DLGAP2: variants seen among roughly 807,000 people sequenced by gnomAD.
The protein encoded by DLGAP2 is DLG associated protein 2, also known as disks large-associated protein 2.
DLGAP2 carries 26 observed loss-of-function variants against 100.3 expected under a neutral mutation model. The observed-to-expected ratio is 0.26, with a 90% CI of 0.19 to 0.36. The LOEUF is 0.36. DLGAP2 is among the 10% of genes least tolerant of loss of function. The pLI, the probability that DLGAP2 is intolerant of heterozygous loss-of-function variation, is 1.00. For missense variants in DLGAP2, 1,858 were observed against 1,453.2 expected (o/e 1.28, Z -4.53); for synonymous variants, 886 against 630.1 (o/e 1.41, Z -6.08).
chr8:834,124 A>G (rs2132705806), intron 1 of DLGAP2, among the ~76,000 whole-genome samples: 1 of 152,320 alleles, frequency 6.6e-6, no homozygotes, highest in Middle Eastern at 3.4e-3. Flanking sequence ...TGCCTAGTAC[A>G]GCAAGCTCGT....
intron 1 of DLGAP2, among the ~76,000 whole-genome samples, chr8:790,631 A>G (rs1585866195): frequency 1.3e-5 from 2 of 152,264 alleles, no homozygotes; most frequent in Admixed American, 1.3e-4. Flanking sequence ...ATTTAATAAT[A>G]TTTGGTCTAT....
intron 6 of DLGAP2, among the ~76,000 whole-genome samples, chr8:1,569,357 G>C (rs547946483): frequency 1.3e-5 from 2 of 152,228 alleles, no homozygotes; most frequent in Non-Finnish European, 2.9e-5. Context: ...ATCTGACGCC[G>C]TGTTGTAGAT....
intron 2 of DLGAP2, among the ~76,000 whole-genome samples, chr8:916,640 A>G (rs1414434731): frequency 6.6e-6 from 1 of 152,236 alleles, no homozygotes; most frequent in Non-Finnish European, 1.5e-5. Context: ...CATGTACCCT[A>G]GAACTTAAAG....
intron 5 of DLGAP2, among the ~76,000 whole-genome samples, chr8:1,558,814 C>T (rs1252945157): frequency 6.6e-6 from 1 of 151,856 alleles, no homozygotes; most frequent in African/African-American, 2.4e-5. Context: ...CATAAACACA[C>T]ATACGCACAT....
intron 3 of DLGAP2, among the ~76,000 whole-genome samples, chr8:1,430,454 G>C (rs564513678): frequency 6.6e-6 from 1 of 152,284 alleles, no homozygotes; most frequent in Non-Finnish European, 1.5e-5. Context: ...ATTAGGCAAA[G>C]GACTTTAAGC....
intron 6 of DLGAP2, among the ~76,000 whole-genome samples, chr8:1,589,047 A>G (rs189265566): frequency 1.2e-4 from 19 of 152,340 alleles, no homozygotes; most frequent in Non-Finnish European, 2.2e-4. Context: ...TGACACACAC[A>G]AACTATCACA....
chr8:1,226,331 G>A (rs915217596), intron 2 of DLGAP2, among the ~76,000 whole-genome samples: 1 of 152,200 alleles, frequency 6.6e-6, no homozygotes. Flanking sequence ...GCGCATAGAT[G>A]AAGCTGGAAG....
chr8:1,455,088 G>T (rs1458720118), intron 3 of DLGAP2, among the ~76,000 whole-genome samples: 1 of 152,242 alleles, frequency 6.6e-6, no homozygotes, highest in Non-Finnish European at 1.5e-5. Flanking sequence ...CAGCTCCTTG[G>T]CTGCCGTGAG....
intron 2 of DLGAP2, among the ~76,000 whole-genome samples, chr8:998,711 C>T (rs139268716): frequency 7.9e-5 from 12 of 152,272 alleles, no homozygotes; most frequent in African/African-American, 2.6e-4. Context: ...GTGAGAATGC[C>T]TGCCCTTTGC....
rs1024223723 is a variant in DLGAP2, at chr8:1,050,925, C to T, written c.73+142959C>T. Among the ~76,000 whole-genome samples the T allele has an allele frequency of 8.6e-5, 12 of 140,180 alleles. No homozygotes were observed. In the South Asian group the frequency reaches 1.2e-3, roughly 14 times the overall value. The allele number at this position is 140,180 out of a possible 152,430, so 92.0% of individuals were successfully genotyped here. A position where few individuals can be genotyped will look rare whatever the true frequency, so the allele number is the denominator to read the frequency against. On this transcript the variant is annotated intron_variant, in intron 2 of 14. Transcript: ENST00000637795. ...AGATCGAGAGAGGCTGTCACGTGCC[C>T]GGTCATTTCGTGGGTGGGGGGTCAT...
At chr8:1,337,054 A>T (rs944119277) in intron 3 of DLGAP2, among the ~76,000 whole-genome samples, 2 of 152,198 alleles carry the variant, frequency 1.3e-5, no homozygotes, top group African/African-American at 4.8e-5. Context: ...GTAACCAGTA[A>T]TGACAGTGTG....
In DLGAP2 at chr8:1,491,236, C is replaced by T. The variant is rs555537120; in HGVS notation, c.107-10130C>T. The stretch of plus-strand genomic sequence containing the variant: ...ATGCTCGCTGTTTCTCTGAAATTCA[C>T]ATGTAACTGGCGTCCCAGGTTGCCT... On this transcript the variant is annotated intron_variant, in intron 3 of 14. Coordinates refer to ENST00000637795, the MANE Select transcript of DLGAP2 (RefSeq NM_001346810.2). 4.7e-4 allele frequency among the ~76,000 whole-genome samples: 71 copies of T among 152,280 alleles called. No individual in the cohort carries two copies. The South Asian group carries it at 0.014, about 31-fold the overall frequency.
rs530553955 is a variant in DLGAP2, at chr8:1,705,656, A to C, written c.*4250A>C. 1.3e-5 allele frequency: 2 copies of C among 152,206 alleles called. No homozygotes were observed. Among genetic ancestry groups the C allele is most frequent in the African/African-American group, 4.8e-5 (2 of 41,434 alleles). The allele number at this position is 152,206 out of a possible 1,614,324, so 9.4% of individuals were successfully genotyped here. On this transcript the variant is annotated 3_prime_UTR_variant, in exon 15 of 15. Coordinates refer to ENST00000637795, the MANE Select transcript of DLGAP2 (RefSeq NM_001346810.2). ...TTCTCCAACACGGGCCGAAATAACTAAACTCCACATGGTTCCTGCCTGCTC... is the reference window on the plus strand; with the variant it reads ...TTCTCCAACACGGGCCGAAATAACTCAACTCCACATGGTTCCTGCCTGCTC...
intron 2 of DLGAP2, among the ~76,000 whole-genome samples, chr8:1,208,296 C>G (rs1255030838): frequency 6.6e-6 from 1 of 152,090 alleles, no homozygotes; most frequent in African/African-American, 2.4e-5. Flanking sequence ...GCCGATTATC[C>G]CAGGACCATT....
At chr8:1,561,016 T>C (rs1175871702) in intron 5 of DLGAP2, among the ~76,000 whole-genome samples, 5 of 152,166 alleles carry the variant, frequency 3.3e-5, no homozygotes, top group Non-Finnish European at 7.4e-5. Flanking sequence ...TCATGTGTCA[T>C]GAGAGGGACC....
chr8:1,219,693 C>G (rs183891799), intron 2 of DLGAP2, among the ~76,000 whole-genome samples: 95 of 152,136 alleles, frequency 6.2e-4, no homozygotes, highest in Admixed American at 6.2e-3. Flanking sequence ...GGTTTTGTAC[C>G]AGCTCTTTCT....
intron 5 of DLGAP2, chr8:1,565,429 T>G: frequency 2.5e-6 from 1 of 395,874 alleles, no homozygotes; most frequent in Non-Finnish European, 4.4e-6. Context: ...CAAGTGTCCC[T>G]TCTTCTCTTA....
At chr8:778,865 C>A (rs934721301) in intron 1 of DLGAP2, among the ~76,000 whole-genome samples, 7 of 152,254 alleles carry the variant, frequency 4.6e-5, no homozygotes, top group Non-Finnish European at 8.8e-5. Context: ...GTGGTGGGCT[C>A]CACCCAGTTC....
At chr8:968,574 G>T (rs1248927553) in intron 2 of DLGAP2, among the ~76,000 whole-genome samples, 1 of 152,134 alleles carries the variant, frequency 6.6e-6, no homozygotes, top group African/African-American at 2.4e-5. Context: ...CCCTGGTGGC[G>T]GCCAAGCCCC....
Sources: allele counts gnomAD v4.1 joint callset (sites outside exome capture counted in the v4.1 genomes callset), GRCh38; gene constraint gnomAD v4.1.1; transcripts MANE v1.5; gene names NCBI Gene and HGNC (gene_info 2026-07-23, HGNC 2026-07-21).